RAD51: variants seen among roughly 807,000 people sequenced by gnomAD.
RAD51 encodes RAD51 recombinase.
Under a neutral mutation model 41.5 loss-of-function variants are expected in RAD51, and 14 were observed. The ratio of observed to expected loss-of-function variants is 0.34; its 90% CI spans 0.22 to 0.53. RAD51 has a LOEUF of 0.53. Ranked by LOEUF, RAD51 falls within the 20% of genes least tolerant of loss-of-function variation. The probability of loss-of-function intolerance (pLI) is 0.95; values close to 1 mark genes in which losing one functional copy is unlikely to be tolerated. For missense variants in RAD51, 234 were observed against 422.0 expected (o/e 0.55, Z 3.90); for synonymous variants, 136 against 148.6 (o/e 0.92, Z 0.62).
chr15:40,700,813 C>T (rs909876365), intron 2 of RAD51, among the ~76,000 whole-genome samples: 4 of 152,010 alleles, frequency 2.6e-5, no homozygotes, highest in Admixed American at 2.0e-4. Flanking sequence ...AAAAAGTATA[C>T]AGGAGGATGT....
At chr15:40,730,777 C>T (rs537888426) in intron 9 of RAD51, among the ~76,000 whole-genome samples, 74 of 151,936 alleles carry the variant, frequency 4.9e-4, no homozygotes, top group African/African-American at 1.7e-3. Context: ...CCAACTCAGC[C>T]TCCCAAAGTG....
rs553292290 is a variant in RAD51 at position 40,707,182 on chromosome 15, G to A, written c.343+888G>A. ...TTTTTTTTTTTTTTTTTTTTGAGTC[G>A]GGGCATCACTCATTATGTTGCCCAG... On this transcript the variant is annotated intron_variant, in intron 4 of 9. Transcript: ENST00000267868. 1.7e-3 allele frequency among the ~76,000 whole-genome samples: 204 copies of A among 120,120 alleles called. 1 individual carries two copies. Among genetic ancestry groups the A allele is most frequent in the Non-Finnish European group, 2.4e-3 (137 of 58,052 alleles). The allele number at this position is 120,120 out of a possible 152,430, so 78.8% of individuals were successfully genotyped here. A position where few individuals can be genotyped will look rare whatever the true frequency, so the allele number is the denominator to read the frequency against.
At chr15:40,699,864 T>G (rs1214963615) in intron 2 of RAD51, among the ~76,000 whole-genome samples, 1 of 152,178 alleles carries the variant, frequency 6.6e-6, no homozygotes, top group Admixed American at 6.6e-5. Flanking sequence ...GCAGCTGATT[T>G]GGGCTAAGTA....
chr15:40,720,668 T>C (rs1239642487), intron 6 of RAD51, among the ~76,000 whole-genome samples: 1 of 152,080 alleles, frequency 6.6e-6, no homozygotes, highest in African/African-American at 2.4e-5. Context: ...GAAAATCCAT[T>C]GTATTTGTAT....
chr15:40,731,278 G>C lies in RAD51; in HGVS notation c.*100G>C, dbSNP rs985081443. 7.2e-6 allele frequency: 11 copies of C among 1,532,144 alleles called. No individual in the cohort carries two copies. The African/African-American group carries it at 1.4e-4, about 19-fold the overall frequency. The allele number at this position is 1,532,144 out of a possible 1,614,324, so 94.9% of individuals were successfully genotyped here. On this transcript the variant is annotated 3_prime_UTR_variant, in exon 10 of 10. Coordinates refer to ENST00000267868, the MANE Select transcript of RAD51 (RefSeq NM_002875.5). The stretch of plus-strand genomic sequence containing the variant: ...CTACAGGCCTCTTCCTGTTGTGACT[G>C]CCAGGATAAAGCTTCCGGGAAAACA...
intron 3 of RAD51, among the ~76,000 whole-genome samples, chr15:40,705,508 C>T (rs943980069): frequency 6.6e-6 from 1 of 152,116 alleles, no homozygotes; most frequent in African/African-American, 2.4e-5. Context: ...ATACAGTCTG[C>T]GGTTGATGGA....
At chr15:40,725,792 A>G (rs1254205723) in intron 6 of RAD51, among the ~76,000 whole-genome samples, 1 of 152,270 alleles carries the variant, frequency 6.6e-6, no homozygotes, top group East Asian at 1.9e-4. Flanking sequence ...GTTTGAGACC[A>G]GCGTGGCAAC....
At chr15:40,706,352 A>T (rs1004414155) in intron 4 of RAD51, 58 bp downstream of exon 4, 2 of 1,322,596 alleles carry the variant, frequency 1.5e-6, no homozygotes, top group Non-Finnish European at 2.2e-6. Flanking sequence ...TCCAGGTTAT[A>T]AAACAAAACT....
In RAD51 at chr15:40,709,016, C is replaced by CT; in HGVS notation, c.344-3dup. The CT allele has an allele frequency of 4.3e-6, 7 of 1,609,456 alleles. No homozygotes were observed. The highest frequency in any genetic ancestry group is 6.0e-6 in the Non-Finnish European group (7 of 1,175,780). ...TTATGCTAAGAGTTATTTCTTATCGCTTTTTTAGGTGGAATTGAGACTGGA... is the reference window on the plus strand; with the variant it reads ...TTATGCTAAGAGTTATTTCTTATCGCTTTTTTTAGGTGGAATTGAGACTGGA... On this transcript the variant is annotated splice_polypyrimidine_tract_variant and intron_variant, in intron 4 of 9. Coordinates refer to ENST00000267868, the MANE Select transcript of RAD51 (RefSeq NM_002875.5).
intron 5 of RAD51, among the ~76,000 whole-genome samples, chr15:40,709,669 A>C (rs1895567308): frequency 6.6e-6 from 1 of 152,058 alleles, no homozygotes; most frequent in Non-Finnish European, 1.5e-5. Flanking sequence ...CACTGCGCCC[A>C]GCCCTCCATC....
At chr15:40,697,670 T>C (rs904459244) in intron 1 of RAD51, among the ~76,000 whole-genome samples, 1 of 142,998 alleles carries the variant, frequency 7.0e-6, no homozygotes, top group Non-Finnish European at 1.5e-5. Flanking sequence ...CTCCGCCTCC[T>C]GGGTTCACGC....
At chr15:40,720,654 A>G (rs955385391) in intron 6 of RAD51, among the ~76,000 whole-genome samples, 3 of 152,232 alleles carry the variant, frequency 2.0e-5, no homozygotes, top group Admixed American at 2.0e-4. Context: ...CAATATCAAT[A>G]TACGAAAATC....
At chr15:40,704,701 G>A (rs139511094) in intron 3 of RAD51, among the ~76,000 whole-genome samples, 8 of 131,862 alleles carry the variant, frequency 6.1e-5, no homozygotes, top group East Asian at 2.3e-4. Flanking sequence ...ATGGAATCTC[G>A]CTGTGTCTCT....
intron 6 of RAD51, among the ~76,000 whole-genome samples, chr15:40,719,320 A>G (rs1309727881): frequency 6.6e-6 from 1 of 151,940 alleles, no homozygotes; most frequent in African/African-American, 2.4e-5. Flanking sequence ...TGACTTCCCA[A>G]AGTGCTGGGA....
chr15:40,705,582 G>A (rs1028657643), intron 3 of RAD51, among the ~76,000 whole-genome samples: 4 of 152,054 alleles, frequency 2.6e-5, no homozygotes, highest in Admixed American at 6.6e-5. Flanking sequence ...ACATATGTAC[G>A]GATCTCTAAT....
intron 6 of RAD51, among the ~76,000 whole-genome samples, chr15:40,724,295 G>C (rs1896431722): frequency 6.6e-6 from 1 of 152,100 alleles, no homozygotes; most frequent in Non-Finnish European, 1.5e-5. Context: ...ATACTTTTAA[G>C]TATACTGTTT....
At chr15:40,707,188 T>G (rs1895404581) in intron 4 of RAD51, among the ~76,000 whole-genome samples, 1 of 128,886 alleles carries the variant, frequency 7.8e-6, no homozygotes, top group Admixed American at 8.5e-5. Context: ...AGTCGGGGCA[T>G]CACTCATTAT....
At chr15:40,726,879 C>T (rs1896613261) in intron 6 of RAD51, among the ~76,000 whole-genome samples, 1 of 149,620 alleles carries the variant, frequency 6.7e-6, no homozygotes, top group South Asian at 2.1e-4. Context: ...TGCCACTGCA[C>T]TCCAGCCTGG....
At chr15:40,708,755 G>T (rs1195661472) in intron 4 of RAD51, among the ~76,000 whole-genome samples, 2 of 151,606 alleles carry the variant, frequency 1.3e-5, no homozygotes, top group Non-Finnish European at 2.9e-5. Context: ...GCTAATTTTT[G>T]TAGAGACAGG....
Sources: allele counts gnomAD v4.1 joint callset (sites outside exome capture counted in the v4.1 genomes callset), GRCh38; gene constraint gnomAD v4.1.1; transcripts MANE v1.5; gene names NCBI Gene and HGNC (gene_info 2026-07-23, HGNC 2026-07-21).